The following RXFP2 variants were observed in gnomAD, a reference collection of about 807,000 sequenced individuals.
RXFP2 encodes relaxin receptor 2.
RXFP2 carries 68 observed loss-of-function variants against 88.6 expected under a neutral mutation model. That is an observed-to-expected ratio of 0.77 (90% CI 0.63 to 0.94). The LOEUF (loss-of-function observed/expected upper bound fraction) is 0.94. Among genes scored for constraint, RXFP2 ranks in the 40% least tolerant of loss-of-function variants. The pLI is 0.00. For synonymous variants in RXFP2, 329 were observed against 306.8 expected, an observed-to-expected ratio of 1.07 and a Z score of -0.76; for missense variants, 791 against 893.9, an observed-to-expected ratio of 0.88 and a Z score of 1.47.
At position 31,775,859 on chromosome 13, in the gene RXFP2, G is replaced by A. The variant is rs190499801; in HGVS notation, c.641+470G>A. ...CCAGCTCCGTTCCAAGAAACCTCAC[G>A]TCAGATGTCTGTGCTTTCACCAGGA... On this transcript the variant is annotated intron_variant, in intron 7 of 17. Coordinates refer to ENST00000298386, the MANE Select transcript of RXFP2 (RefSeq NM_130806.5). Among the ~76,000 whole-genome samples the A allele has an allele frequency of 2.0e-3, 308 of 152,324 alleles. 1 individual carries two copies. Among genetic ancestry groups the A allele is most frequent in the Middle Eastern group, 6.8e-3 (2 of 294 alleles).
In RXFP2 at chr13:31,761,711, C is replaced by T. The variant is rs1447576724; in HGVS notation, c.242-13C>T. 7 of 1,581,584 alleles carry T rather than the reference C, an allele frequency of 4.4e-6. No individual in the cohort carries two copies. The East Asian group carries it at 1.1e-4, about 25-fold the overall frequency. Reference sequence around the variant, plus strand: ...TCTAGAATAAGTGACACATCTCAATCACTATTTCACAGGTGACACTAGTGG... The same window carrying T: ...TCTAGAATAAGTGACACATCTCAATTACTATTTCACAGGTGACACTAGTGG... On this transcript the variant is annotated splice_polypyrimidine_tract_variant and intron_variant, in intron 2 of 17. Coordinates refer to ENST00000298386, the MANE Select transcript of RXFP2 (RefSeq NM_130806.5).
chr13:31,789,829 T>G (rs998953350), intron 14 of RXFP2, among the ~76,000 whole-genome samples: 7 of 152,186 alleles, frequency 4.6e-5, no homozygotes, highest in South Asian at 2.1e-4. Flanking sequence ...GTACAGCAAG[T>G]GGATGAAATG....
intron 11 of RXFP2, among the ~76,000 whole-genome samples, chr13:31,785,081 A>G (rs2138445858): frequency 6.6e-6 from 1 of 152,288 alleles, no homozygotes; most frequent in South Asian, 2.1e-4. Flanking sequence ...TCAAACATTA[A>G]TGGGCCGAAG....
intron 14 of RXFP2, among the ~76,000 whole-genome samples, chr13:31,790,474 C>T (rs1873741746): frequency 6.6e-6 from 1 of 152,184 alleles, no homozygotes; most frequent in Non-Finnish European, 1.5e-5. Flanking sequence ...GCAAGAATTG[C>T]CTCCTGTTTC....
intron 17 of RXFP2, among the ~76,000 whole-genome samples, chr13:31,801,787 C>A (rs190294396): frequency 2.4e-4 from 36 of 152,258 alleles, no homozygotes; most frequent in Admixed American, 1.6e-3. Context: ...GTTTTGTGAA[C>A]CTCACTCTAT....
chr13:31,771,878 T>A lies in RXFP2; in HGVS notation c.498-2742T>A, dbSNP rs536421838. Among the ~76,000 whole-genome samples, 9 of 152,030 alleles carry A rather than the reference T, an allele frequency of 5.9e-5. No homozygotes were observed. In the South Asian group the frequency reaches 1.9e-3, roughly 32 times the overall value. ...CTGTTGTCCTGCGAGATCACCAAAT[T>A]TAATGTCAAGAGGGTCTCCAGTCTG... On this transcript the variant is annotated intron_variant, in intron 5 of 17. Coordinates refer to ENST00000298386, the MANE Select transcript of RXFP2 (RefSeq NM_130806.5).
intron 13 of RXFP2, among the ~76,000 whole-genome samples, chr13:31,787,679 G>A (rs958789643): frequency 3.3e-5 from 5 of 151,228 alleles, no homozygotes; most frequent in Middle Eastern, 3.2e-3. Context: ...TCGCCCTGTC[G>A]CCCAGGCTAG....
intron 2 of RXFP2, among the ~76,000 whole-genome samples, chr13:31,760,897 T>C (rs552252646): frequency 6.6e-6 from 1 of 152,332 alleles, no homozygotes; most frequent in African/African-American, 2.4e-5. Context: ...CATTTACATA[T>C]GACAAATTGA....
At chr13:31,750,206 CA>C (rs1871604762) in intron 1 of RXFP2, among the ~76,000 whole-genome samples, 1 of 152,078 alleles carries the variant, frequency 6.6e-6, no homozygotes, top group African/African-American at 2.4e-5. Context: ...ACACATGGTT[CA>C]AAACACTGGT....
At position 31,792,144 on chromosome 13, in the gene RXFP2, T is replaced by G. The variant is rs187658257; in HGVS notation, c.1375+109T>G. 3 of 833,416 alleles carry G rather than the reference T, an allele frequency of 3.6e-6. No homozygotes were observed. The East Asian group carries it at 7.9e-5, about 22-fold the overall frequency. The allele number at this position is 833,416 out of a possible 1,614,324, so 51.6% of individuals were successfully genotyped here. A position where few individuals can be genotyped will look rare whatever the true frequency, so the allele number is the denominator to read the frequency against. On this transcript the variant is annotated intron_variant, in intron 15 of 17. Transcript: ENST00000298386. ...AACAAATGGCATTTAATGTGAATTA[T>G]ACATCCTGGGCACATTTTTTTTTCT...
At chr13:31,765,476 G>C (rs1381302690) in intron 4 of RXFP2, among the ~76,000 whole-genome samples, 1 of 150,828 alleles carries the variant, frequency 6.6e-6, no homozygotes, top group East Asian at 1.9e-4. Context: ...CTTATTCTAC[G>C]TTTTTTTTAA....
chr13:31,784,328 A>G (rs567552706), intron 11 of RXFP2, among the ~76,000 whole-genome samples: 8 of 152,306 alleles, frequency 5.3e-5, no homozygotes, highest in African/African-American at 1.9e-4. Flanking sequence ...AAAGAAATTC[A>G]GAAGCTGGTA....
intron 4 of RXFP2, 63 bp downstream of exon 4, chr13:31,765,205 C>A (rs891142084): frequency 9.8e-6 from 10 of 1,017,142 alleles, no homozygotes; most frequent in African/African-American, 6.3e-5. Flanking sequence ...CAAGAAAAAA[C>A]CCAATAGTGT....
rs182317689 is a variant in RXFP2, at chr13:31,750,654, A to G, written c.95-7604A>G. Among the ~76,000 whole-genome samples, 9 of 152,308 alleles carry G rather than the reference A, an allele frequency of 5.9e-5. No homozygotes were observed. In the East Asian group the frequency reaches 1.7e-3, roughly 29 times the overall value. On this transcript the variant is annotated intron_variant, in intron 1 of 17. Coordinates refer to ENST00000298386, the MANE Select transcript of RXFP2 (RefSeq NM_130806.5). ...TTTTTAGAAAATATGGAGGGAAAAA[A>G]GTTTTTAACCTGGGGACAAAGGTTG...
At chr13:31,745,607 G>A (rs185459645) in intron 1 of RXFP2, among the ~76,000 whole-genome samples, 26 of 152,254 alleles carry the variant, frequency 1.7e-4, no homozygotes, top group African/African-American at 3.9e-4. Context: ...CTGCAGTCCC[G>A]GCTCCCTGCA....
At chr13:31,765,810 GA>G (rs1254324706) in intron 4 of RXFP2, 145 bp from the exon 5 acceptor site, 5 of 613,748 alleles carry the variant, frequency 8.1e-6, no homozygotes, top group Non-Finnish European at 1.5e-5. Context: ...ATTCTCCCAT[GA>G]AAAATTTTTA....
intron 17 of RXFP2, among the ~76,000 whole-genome samples, chr13:31,798,433 G>T (rs1874160667): frequency 6.6e-6 from 1 of 152,218 alleles, no homozygotes; most frequent in South Asian, 2.1e-4. Context: ...GCCTTTGCTG[G>T]GTGGTGAAAG....
At chr13:31,788,765 A>G (rs1873664205) in intron 13 of RXFP2, among the ~76,000 whole-genome samples, 1 of 152,200 alleles carries the variant, frequency 6.6e-6, no homozygotes, top group Non-Finnish European at 1.5e-5. Context: ...CCGGTTGGAA[A>G]GATCATCTCC....
chr13:31,777,535 C>T, intron 8 of RXFP2, 88 bp downstream of exon 8: 2 of 1,004,688 alleles, frequency 2.0e-6, no homozygotes, highest in South Asian at 2.8e-5. Flanking sequence ...TTAAAAAAAT[C>T]AAGCCCACAA....
Sources: gnomAD v4.1 joint callset for allele counts (sites outside exome capture counted in the v4.1 genomes callset) on GRCh38, gnomAD v4.1.1 for gene constraint, MANE v1.5 for transcripts, NCBI Gene and HGNC (gene_info 2026-07-23, HGNC 2026-07-21) for gene names.